The following FANCB variants were observed in gnomAD, a reference collection of about 807,000 sequenced individuals.
FANCB encodes Fanconi anemia group B protein.
A neutral mutation model predicts 38.9 loss-of-function variants in FANCB; 5 were observed. That is an observed-to-expected ratio of 0.13 (90% CI 0.07 to 0.27). The LOEUF is 0.27. FANCB is among the 10% of genes least tolerant of loss of function. The probability of loss-of-function intolerance (pLI) is 1.00; values close to 1 mark genes in which losing one functional copy is unlikely to be tolerated. For missense variants in FANCB, 573 were observed against 602.7 expected (o/e 0.95, Z 0.52); for synonymous variants, 236 against 215.4 (o/e 1.10, Z -0.84).
chrX:14,845,021 A>T lies in FANCB; in HGVS notation c.1762T>A (p.Leu588Ile). Residue 588 changes from leucine (L) to isoleucine (I), a missense_variant, in exon 8 of 10, where the codon TTA becomes ATA. Leu to Ile is a conservative substitution (Grantham distance 5). Coordinates refer to ENST00000650831, the MANE Select transcript of FANCB (RefSeq NM_001018113.3). Reference sequence around the variant, plus strand: ...GTGCAACAAAATTTACTGAATGTTAAAAGTGGTGAAAGAGATGTTACAGCA... The same window carrying T: ...GTGCAACAAAATTTACTGAATGTTATAAGTGGTGAAAGAGATGTTACAGCA... ...ITAVTSLSPLLTFSKFCCTVL... is the reference protein window; with the variant it reads ...ITAVTSLSPLITFSKFCCTVL... The T allele has an allele frequency of 8.3e-7, 1 of 1,209,661 alleles. No homozygotes were observed. Among genetic ancestry groups the T allele is most frequent in the Non-Finnish European group, 1.1e-6 (1 of 893,748 alleles).
chrX:14,769,636 T>C, the FANCB span, among the ~76,000 whole-genome samples: 1 of 111,241 alleles, frequency 9.0e-6, no homozygotes, highest in Admixed American at 9.6e-5. Flanking sequence ...TTTTGAAGGG[T>C]TTTAGTGTCT....
chrX:14,814,460 A>G, the FANCB span, among the ~76,000 whole-genome samples: 1 of 112,394 alleles, frequency 8.9e-6, no homozygotes, highest in Non-Finnish European at 1.9e-5. Flanking sequence ...ATCTACAAAG[A>G]AACAAATTTA....
At position 14,865,481 on chromosome X, in the gene FANCB, G is replaced by T. The variant is rs750078094; in HGVS notation, c.30C>A (p.Asn10Lys). ...TATAACACAAGAGCCTTTCTTGTTCGTTAGATGACATTGCTTGTTTGCTAG... is the reference window on the plus strand; with the variant it reads ...TATAACACAAGAGCCTTTCTTGTTCTTTAGATGACATTGCTTGTTTGCTAG... MTSKQAMSS[N>K]EQERLLCYNG... The change falls in exon 3 of 10, where the codon AAC becomes AAA. Residue 10 changes from asparagine (N) to lysine (K), a missense_variant. Transcript: ENST00000650831. 177 of 1,202,075 alleles carry T rather than the reference G, an allele frequency of 1.5e-4. No homozygotes were observed. The highest frequency in any genetic ancestry group is 1.9e-4 in the Non-Finnish European group (168 of 890,242).
At chrX:14,753,298 A>G in the FANCB span, among the ~76,000 whole-genome samples, 142 of 110,677 alleles carry the variant, frequency 1.3e-3, no homozygotes, top group Middle Eastern at 4.8e-3. Flanking sequence ...AAGCCTCTTT[A>G]CTCTCCTCCA....
At chrX:14,724,648 A>AC in the FANCB span, among the ~76,000 whole-genome samples, 3 of 92,042 alleles carry the variant, frequency 3.3e-5, no homozygotes, top group East Asian at 9.0e-4. Flanking sequence ...AAAAAAAAAA[A>AC]AAAACAAGAA....
chrX:14,851,647 A>ACAATGTAAAGAGC (rs1403081006), intron 6 of FANCB, among the ~76,000 whole-genome samples: 1 of 112,015 alleles, frequency 8.9e-6, no homozygotes, highest in Non-Finnish European at 1.9e-5. Context: ...TTTAAAACTA[A>ACAATGTAAAGAGC]CAATGTAAAG....
Position 14,843,544 on chromosome X carries a change from A to G in FANCB, c.*23T>C. ...TATGGTGGTGAAAACATATTTTAAA[A>G]TATGATCAAATTGAAATTATAATTA... On this transcript the variant is annotated 3_prime_UTR_variant, in exon 10 of 10. Transcript: ENST00000650831. 1 of 1,102,845 alleles carries G rather than the reference A, an allele frequency of 9.1e-7. No individual in the cohort carries two copies. The highest frequency in any genetic ancestry group is 2.0e-5 in the South Asian group (1 of 51,195). The allele number at this position is 1,102,845 out of a possible 1,213,427, so 90.9% of individuals were successfully genotyped here.
chrX:14,802,834 C>A, the FANCB span, among the ~76,000 whole-genome samples: 1 of 111,637 alleles, frequency 9.0e-6, no homozygotes, highest in Non-Finnish European at 1.9e-5. Context: ...CAGTTTGGCC[C>A]AGATTGAATT....
the FANCB span, among the ~76,000 whole-genome samples, chrX:14,711,125 A>G: frequency 8.9e-6 from 1 of 112,144 alleles, no homozygotes; most frequent in Non-Finnish European, 1.9e-5. Context: ...AATACTTGTC[A>G]TATCAGCCAG....
rs774030993 is a variant in FANCB, at chrX:14,859,380, G to A, written c.952-46C>T. The stretch of plus-strand genomic sequence containing the variant: ...TAGGAGGAGTAGACAAGAAAAAATC[G>A]AATGTGAAATAAATAAATTAAGTCC... On this transcript the variant is annotated intron_variant, in intron 3 of 9. Transcript: ENST00000650831. The A allele has an allele frequency of 1.6e-4, 157 of 962,304 alleles. No homozygotes were observed. The South Asian group carries it at 2.4e-3, about 15-fold the overall frequency. The allele number at this position is 962,304 out of a possible 1,213,427, so 79.3% of individuals were successfully genotyped here. A position where few individuals can be genotyped will look rare whatever the true frequency, so the allele number is the denominator to read the frequency against.
At chrX:14,690,120 A>C in the FANCB span, among the ~76,000 whole-genome samples, 6 of 111,825 alleles carry the variant, frequency 5.4e-5, no homozygotes, top group African/African-American at 1.9e-4. Flanking sequence ...TGGCTTTTGA[A>C]GAGCCTAAGG....
chrX:14,843,534 A>G lies in FANCB; in HGVS notation c.*33T>C, dbSNP rs187611308. ...CAAAATCTTATATGGTGGTGAAAACATATTTTAAAATATGATCAAATTGAA... is the reference window on the plus strand; with the variant it reads ...CAAAATCTTATATGGTGGTGAAAACGTATTTTAAAATATGATCAAATTGAA... On this transcript the variant is annotated 3_prime_UTR_variant, in exon 10 of 10. Transcript: ENST00000650831. 1.6e-3 allele frequency: 1,656 copies of G among 1,067,493 alleles called. 5 individuals are homozygous for G. The highest frequency in any genetic ancestry group is 3.5e-3 in the Admixed American group (146 of 42,215). 88.0% of individuals were successfully genotyped at this position (1,067,493 alleles called of 1,213,427 possible). A position where few individuals can be genotyped will look rare whatever the true frequency, so the allele number is the denominator to read the frequency against.
chrX:14,755,752 A>T, the FANCB span, among the ~76,000 whole-genome samples: 1 of 111,464 alleles, frequency 9.0e-6, no homozygotes, highest in African/African-American at 3.3e-5. Flanking sequence ...ATTCAATGCA[A>T]TCCCTATCAA....
chrX:14,847,863 C>A (rs763757524), intron 7 of FANCB, among the ~76,000 whole-genome samples: 12 of 111,323 alleles, frequency 1.1e-4, no homozygotes, highest in Non-Finnish European at 1.1e-4. Flanking sequence ...AAAGAAGACA[C>A]AAATAAGATT....
At chrX:14,715,312 A>G in the FANCB span, among the ~76,000 whole-genome samples, 5 of 112,441 alleles carry the variant, frequency 4.4e-5, no homozygotes, top group African/African-American at 6.5e-5. Flanking sequence ...CCAGTATGCA[A>G]AAATAAGCCA....
intron 7 of FANCB, among the ~76,000 whole-genome samples, chrX:14,848,262 G>A (rs1473070586): frequency 2.7e-5 from 3 of 112,083 alleles, no homozygotes; most frequent in Non-Finnish European, 5.6e-5. Flanking sequence ...AGCCAACAGC[G>A]CGTGATGTGC....
chrX:14,691,097 C>T, the FANCB span, among the ~76,000 whole-genome samples: 1 of 111,909 alleles, frequency 8.9e-6, no homozygotes, highest in African/African-American at 3.3e-5. Flanking sequence ...TAACAAGAAA[C>T]AATTTTTAGT....
At chrX:14,741,811 G>A in the FANCB span, among the ~76,000 whole-genome samples, 2 of 111,715 alleles carry the variant, frequency 1.8e-5, no homozygotes, top group South Asian at 3.7e-4. Context: ...TTTAAGGAGC[G>A]AGGTATTTAC....
the FANCB span, among the ~76,000 whole-genome samples, chrX:14,689,589 C>G: frequency 1.8e-5 from 2 of 111,945 alleles, no homozygotes; most frequent in African/African-American, 3.2e-5. Flanking sequence ...TTTCATCCCT[C>G]TTTACCCCAG....
Sources: allele counts gnomAD v4.1 joint callset (sites outside exome capture counted in the v4.1 genomes callset), GRCh38; gene constraint gnomAD v4.1.1; transcripts MANE v1.5; gene names NCBI Gene and HGNC (gene_info 2026-07-23, HGNC 2026-07-21).